Variants in SCN10A observed in about 807,000 individuals in gnomAD.
SCN10A encodes the protein sodium channel protein type 10 subunit alpha.
Under a neutral mutation model 170.7 loss-of-function variants are expected in SCN10A, and 162 were observed. The observed-to-expected ratio is 0.95, with a 90% CI of 0.84 to 1.08. The LOEUF is 1.08. Ranked by LOEUF, SCN10A falls within the 50% of genes least tolerant of loss-of-function variation. The pLI, the probability that SCN10A is intolerant of heterozygous loss-of-function variation, is 0.00. For synonymous variants in SCN10A, 985 were observed against 904.6 expected, an observed-to-expected ratio of 1.09 and a Z score of -1.59; for missense variants, 2,527 against 2,436.9, an observed-to-expected ratio of 1.04 and a Z score of -0.78.
chr3:38,726,826 G>C lies in SCN10A; in HGVS notation c.2867C>G (p.Ser956Cys). ...ELVVKLPLSSSKAENHIAANT... is the reference protein window; with the variant it reads ...ELVVKLPLSSCKAENHIAANT... ...GGCAGCAATGTGGTTCTCAGCCTTG[G>C]AGCTGGAGAGTGGGAGTTTCACCAC... Residue 956 changes from serine to cysteine, a missense_variant, in exon 17 of 28, where the codon TCC becomes TGC. Transcript: ENST00000449082. The C allele has an allele frequency of 6.2e-7, 1 of 1,613,800 alleles. No individual in the cohort carries two copies. Among genetic ancestry groups the C allele is most frequent in the African/African-American group, 1.3e-5 (1 of 75,042 alleles).
Position 38,697,445 on chromosome 3 carries a change from A to C in SCN10A, c.5775T>G (p.Thr1925=). 6.2e-7 allele frequency: 1 copy of C among 1,614,202 alleles called. No individual in the cohort carries two copies. Among genetic ancestry groups the C allele is most frequent in the Non-Finnish European group, 8.5e-7 (1 of 1,180,032 alleles). ...TGTTGACTCTATCACTAAGGCCTCTAGTGACACTCTCATAGGACGGTGGGA... is the reference window on the plus strand; with the variant it reads ...TGTTGACTCTATCACTAAGGCCTCTCGTGACACTCTCATAGGACGGTGGGA... ...TSFPPSYESV[T]RGLSDRVNMR... is the part of the protein sequence containing the mutation. Residue 1925 remains threonine, a synonymous_variant, in exon 28 of 28, where the codon ACT becomes ACG. Transcript: ENST00000449082.
chr3:38,782,605 A>T (rs2064151792), intron 4 of SCN10A, among the ~76,000 whole-genome samples: 1 of 152,046 alleles, frequency 6.6e-6, no homozygotes, highest in South Asian at 2.1e-4. Context: ...CAAATAACTC[A>T]TTTTGCAAAA....
rs1406169129 is a variant in SCN10A at position 38,702,058 on chromosome 3, T to C, written c.4438A>G (p.Ile1480Val). 7 of 1,591,304 alleles carry C rather than the reference T, an allele frequency of 4.4e-6. No homozygotes were observed. Among genetic ancestry groups the C allele is most frequent in the Middle Eastern group, 1.7e-4 (1 of 5,976 alleles). The change falls in exon 27 of 28, where the codon ATC becomes GTC. Residue 1480 changes from isoleucine to valine, a missense_variant. Transcript: ENST00000449082. The part of the protein sequence containing the change: ...FDIVTRQAFD[I>V]TIMVLICLNM... ...AGGCAGATGAGGACCATGATGGTGA[T>C]GTCAAAAGCTTGTCTGGTCACGATG...
At chr3:38,746,100 T>TATATATATAAATATCTAG (rs71085336) in intron 13 of SCN10A, among the ~76,000 whole-genome samples, 1 of 99,820 alleles carries the variant, frequency 1.0e-5, no homozygotes, top group Non-Finnish European at 2.0e-5. Flanking sequence ...TATATATATA[T>TATATATATAAATATCTAG]GCCATCTTTG....
intron 1 of SCN10A, among the ~76,000 whole-genome samples, chr3:38,805,111 T>C (rs904800367): frequency 2.6e-5 from 4 of 152,116 alleles, no homozygotes; most frequent in Admixed American, 2.6e-4. Flanking sequence ...TTATAAGAGA[T>C]ACCAAAAGAA....
rs930076962 is a variant in SCN10A at position 38,742,453 on chromosome 3, G to T, written c.1944C>A (p.Cys648Ter). 6.2e-7 allele frequency: 1 copy of T among 1,614,190 alleles called. No individual in the cohort carries two copies. The highest frequency in any genetic ancestry group is 1.7e-5 in the Admixed American group (1 of 60,028). ...TTGTCTTGAGCTTCACCCACATGGGGCAGCAATCCCAGATCAGATACTTCT... is the reference window on the plus strand; with the variant it reads ...TTGTCTTGAGCTTCACCCACATGGGTCAGCAATCCCAGATCAGATACTTCT... ...LSQKYLIWDC[C>*]PMWVKLKTIL... is the part of the protein sequence containing the mutation. Residue 648 changes from cysteine (C) to a stop codon, truncating the protein, a stop_gained, in exon 14 of 28, where the codon TGC becomes TGA. Coordinates refer to ENST00000449082, the MANE Select transcript of SCN10A (RefSeq NM_006514.4). LOFTEE classifies it high-confidence loss of function.
rs775875097 is a variant in SCN10A, at chr3:38,756,655, G to T, written c.1290+19C>A. Reference sequence around the variant, plus strand: ...GACAGTCTGCAACCTTCTTCACAAAGCTTCCACTCCTCACAAACCTCCTGC... The same window carrying T: ...GACAGTCTGCAACCTTCTTCACAAATCTTCCACTCCTCACAAACCTCCTGC... On this transcript the variant is annotated intron_variant, in intron 10 of 27. Transcript: ENST00000449082. The T allele has an allele frequency of 1.9e-6, 3 of 1,603,630 alleles. No homozygotes were observed. In the East Asian group the frequency reaches 6.7e-5, roughly 36 times the overall value.
chr3:38,731,042 A>G (rs772563699), intron 15 of SCN10A, among the ~76,000 whole-genome samples: 67 of 152,344 alleles, frequency 4.4e-4, no homozygotes, highest in Admixed American at 1.1e-3. Context: ...TTATAAATGG[A>G]AAGAAGTCCA....
chr3:38,755,315 T>G (rs1416406658), intron 11 of SCN10A, among the ~76,000 whole-genome samples: 3 of 151,226 alleles, frequency 2.0e-5, no homozygotes, highest in Non-Finnish European at 4.4e-5. Flanking sequence ...ATGAAGGATC[T>G]CAGCACCACG....
chr3:38,772,546 G>A (rs9846774), intron 4 of SCN10A, among the ~76,000 whole-genome samples: 2,179 of 152,046 alleles, frequency 0.014, 59 homozygotes, highest in African/African-American at 0.049. Context: ...AAAATTAGCC[G>A]GGCGCCTTGG....
chr3:38,767,790 T>A (rs2126037863), intron 5 of SCN10A, among the ~76,000 whole-genome samples: 1 of 152,296 alleles, frequency 6.6e-6, no homozygotes, highest in East Asian at 1.9e-4. Context: ...TCATTGTTTC[T>A]TTGTTGACTT....
chr3:38,804,488 C>T (rs1020654183), intron 1 of SCN10A, among the ~76,000 whole-genome samples: 1 of 152,132 alleles, frequency 6.6e-6, no homozygotes, highest in South Asian at 2.1e-4. Context: ...ATTTGCTTAG[C>T]TGTTGAACCC....
At chr3:38,803,343 A>G (rs1476588183) in intron 1 of SCN10A, among the ~76,000 whole-genome samples, 1 of 152,176 alleles carries the variant, frequency 6.6e-6, no homozygotes, top group African/African-American at 2.4e-5. Flanking sequence ...ATAAAGACAC[A>G]TGCACACATA....
rs958654632 is a variant in SCN10A, at chr3:38,742,212, C to T, written c.2106+79G>A. ...CTAACCAATAAGGGCATGCCCCACCCCACCCGAACTGCACCCTGCCATCAT... is the reference window on the plus strand; with the variant it reads ...CTAACCAATAAGGGCATGCCCCACCTCACCCGAACTGCACCCTGCCATCAT... On this transcript the variant is annotated intron_variant, in intron 14 of 27. Coordinates refer to ENST00000449082, the MANE Select transcript of SCN10A (RefSeq NM_006514.4). 119 of 973,018 alleles carry T rather than the reference C, an allele frequency of 1.2e-4. No homozygotes were observed. The Middle Eastern group carries it at 3.2e-3, about 26-fold the overall frequency. 60.3% of individuals were successfully genotyped at this position (973,018 alleles called of 1,614,324 possible). A position where few individuals can be genotyped will look rare whatever the true frequency, so the allele number is the denominator to read the frequency against.
intron 15 of SCN10A, among the ~76,000 whole-genome samples, chr3:38,738,681 C>T (rs528235662): frequency 6.6e-5 from 10 of 152,336 alleles, no homozygotes; most frequent in African/African-American, 2.4e-4. Flanking sequence ...CGTGACATTT[C>T]TTCAGGCCTC....
intron 20 of SCN10A, among the ~76,000 whole-genome samples, chr3:38,720,411 A>G (rs536996846): frequency 6.6e-6 from 1 of 152,362 alleles, no homozygotes; most frequent in Admixed American, 6.5e-5. Context: ...AAAGAGGTAT[A>G]CCAGCATGTT....
At chr3:38,728,469 A>G in intron 16 of SCN10A, 73 bp downstream of exon 16, 1 of 1,459,764 alleles carries the variant, frequency 6.9e-7, no homozygotes, top group Non-Finnish European at 9.1e-7. Context: ...TGCAGATCAA[A>G]GCTTTTTCAG....
chr3:38,809,684 T>C (rs1329779582), intron 1 of SCN10A, among the ~76,000 whole-genome samples: 1 of 152,200 alleles, frequency 6.6e-6, no homozygotes, highest in Non-Finnish European at 1.5e-5. Flanking sequence ...AGTTTTCTCA[T>C]TTGTACAATG....
rs938158659 is a variant in SCN10A at position 38,722,163 on chromosome 3, A to G, written c.3507+95T>C. 1.8e-5 allele frequency: 22 copies of G among 1,222,398 alleles called. No homozygotes were observed. In the African/African-American group the frequency reaches 2.7e-4, roughly 15 times the overall value. 75.7% of individuals were successfully genotyped at this position (1,222,398 alleles called of 1,614,324 possible). ...CAAGGTTGGGGACTTTCAGCTCAGT[A>G]GTCAGGAGAACCCACTGATGCAGCT... On this transcript the variant is annotated intron_variant, in intron 20 of 27. Transcript: ENST00000449082.
Sources: gnomAD v4.1 joint callset for allele counts (sites outside exome capture counted in the v4.1 genomes callset) on GRCh38, gnomAD v4.1.1 for gene constraint, MANE v1.5 for transcripts, NCBI Gene and HGNC (gene_info 2026-07-23, HGNC 2026-07-21) for gene names.